UBE3C: variants seen among roughly 807,000 people sequenced by gnomAD.
The protein encoded by UBE3C is ubiquitin-protein ligase E3C.
UBE3C carries 42 observed loss-of-function variants against 129.4 expected under a neutral mutation model. The observed-to-expected ratio is 0.32, with a 90% CI of 0.25 to 0.42. The LOEUF is 0.42. UBE3C is among the 10% of genes least tolerant of loss of function. The pLI is 1.00. For missense variants in UBE3C, 1,049 were observed against 1,319.1 expected (o/e 0.80, Z 3.17); for synonymous variants, 510 against 492.4 (o/e 1.04, Z -0.47).
At chr7:157,141,184 C>A (rs1391966295) in intron 1 of UBE3C, among the ~76,000 whole-genome samples, 6 of 152,064 alleles carry the variant, frequency 3.9e-5, no homozygotes, top group Non-Finnish European at 8.8e-5. Context: ...GAACTGGCAG[C>A]AGCTGGGGCA....
At chr7:157,169,253 G>T in intron 3 of UBE3C, 131 bp downstream of exon 3, 1 of 619,314 alleles carries the variant, frequency 1.6e-6, no homozygotes, top group East Asian at 3.0e-5. Context: ...AATTTTATTT[G>T]TTCTAATTAT....
At chr7:157,219,321 TATCTC>T (rs1175366337) in intron 14 of UBE3C, among the ~76,000 whole-genome samples, 2 of 152,200 alleles carry the variant, frequency 1.3e-5, no homozygotes, top group African/African-American at 4.8e-5. Context: ...ACAAGTCCCT[TATCTC>T]ATCACCAGCT....
At chr7:157,175,075 G>T in intron 5 of UBE3C, 41 bp downstream of exon 5, 1 of 1,402,760 alleles carries the variant, frequency 7.1e-7, no homozygotes, top group South Asian at 1.4e-5. Flanking sequence ...ATAATGTATT[G>T]ATCACCTTGT....
At chr7:157,192,083 A>G (rs1182019245) in intron 10 of UBE3C, among the ~76,000 whole-genome samples, 1 of 152,354 alleles carries the variant, frequency 6.6e-6, no homozygotes, top group East Asian at 1.9e-4. Context: ...ATTATAAACT[A>G]ATTTCCACTA....
In UBE3C at chr7:157,268,294, G is replaced by A. The variant is rs533882746; in HGVS notation, c.*539G>A. 1 of 152,794 alleles carries A rather than the reference G, an allele frequency of 6.5e-6. No individual in the cohort carries two copies. The highest frequency in any genetic ancestry group is 2.4e-5 in the African/African-American group (1 of 41,566). The allele number at this position is 152,794 out of a possible 1,614,324, so 9.5% of individuals were successfully genotyped here. ...TGGTTAGGTTTGGAAAAGAGATGAT[G>A]ATGGTAATATTTTATTTGTGCTTTT... On this transcript the variant is annotated 3_prime_UTR_variant, in exon 23 of 23. Coordinates refer to ENST00000348165, the MANE Select transcript of UBE3C (RefSeq NM_014671.3).
intron 18 of UBE3C, chr7:157,231,703 C>T (rs932984393): frequency 2.2e-5 from 5 of 229,176 alleles, no homozygotes; most frequent in Non-Finnish European, 4.3e-5. Flanking sequence ...CCTCCGGACT[C>T]TGCAGAGTCC....
chr7:157,162,346 C>G (rs1477837234), intron 1 of UBE3C, among the ~76,000 whole-genome samples: 1 of 151,584 alleles, frequency 6.6e-6, no homozygotes, highest in African/African-American at 2.4e-5. Flanking sequence ...TGGTATGTGC[C>G]ACCATGCCCG....
At chr7:157,166,702 T>G (rs1808223675) in intron 2 of UBE3C, among the ~76,000 whole-genome samples, 1 of 149,678 alleles carries the variant, frequency 6.7e-6, no homozygotes, top group Non-Finnish European at 1.5e-5. Context: ...ATCACGCTGT[T>G]GCACTCCAGC....
At chr7:157,192,494 C>T (rs1306657779) in intron 10 of UBE3C, 8 of 758,562 alleles carry the variant, frequency 1.1e-5, no homozygotes, top group Admixed American at 1.7e-5. Flanking sequence ...TCAGCAAAGA[C>T]TGATCTTTGC....
intron 18 of UBE3C, among the ~76,000 whole-genome samples, chr7:157,240,400 A>G (rs1001854642): frequency 1.3e-5 from 2 of 152,188 alleles, no homozygotes; most frequent in Non-Finnish European, 2.9e-5. Flanking sequence ...ACTCTGATGC[A>G]TGCTGAAATT....
Position 157,248,565 on chromosome 7 carries a change from C to T in UBE3C, c.2679C>T (p.Asp893=). 1 of 1,612,364 alleles carries T rather than the reference C, an allele frequency of 6.2e-7. No homozygotes were observed. Among genetic ancestry groups the T allele is most frequent in the Non-Finnish European group, 8.5e-7 (1 of 1,179,980 alleles). The change falls in exon 19 of 23, where the codon GAC becomes GAT. Residue 893 remains aspartate, a synonymous_variant. Coordinates refer to ENST00000348165, the MANE Select transcript of UBE3C (RefSeq NM_014671.3). ...TGAACTTCACTGTGGTGAACAATGA[C>T]CTGGGAGAGGCGCAGGTGAGGGGTC... ...LGLNFTVVNN[D]LGEAQVVELK...
chr7:157,248,170 A>G (rs764869657), intron 18 of UBE3C, among the ~76,000 whole-genome samples, 198 bp from the exon 19 acceptor site: 3 of 152,150 alleles, frequency 2.0e-5, no homozygotes, highest in Non-Finnish European at 4.4e-5. Flanking sequence ...CTGCATGCTT[A>G]GTGCGTGCAT....
chr7:157,165,723 C>T (rs868767519), intron 2 of UBE3C, among the ~76,000 whole-genome samples: 21 of 152,002 alleles, frequency 1.4e-4, no homozygotes, highest in Admixed American at 1.2e-3. Flanking sequence ...CCATTGACTT[C>T]GTAATTTCAG....
intron 1 of UBE3C, among the ~76,000 whole-genome samples, chr7:157,149,964 G>A (rs1435101982): frequency 6.6e-6 from 1 of 152,172 alleles, no homozygotes; most frequent in Non-Finnish European, 1.5e-5. Flanking sequence ...GAGAAGCCAT[G>A]CTTTCCATAG....
In UBE3C at chr7:157,192,839, A is replaced by G. The variant is rs1194465177; in HGVS notation, c.1331+5818A>G. ...CAAACCAGAAGACAAGTAACTGCGT[A>G]TGAGTTAATAAAAGACATGAACTTA... On this transcript the variant is annotated intron_variant, in intron 10 of 22. Coordinates refer to ENST00000348165, the MANE Select transcript of UBE3C (RefSeq NM_014671.3). 3.8e-6 allele frequency: 4 copies of G among 1,060,172 alleles called. No individual in the cohort carries two copies. In the African/African-American group the frequency reaches 4.7e-5, roughly 12 times the overall value. 65.7% of individuals were successfully genotyped at this position (1,060,172 alleles called of 1,614,324 possible). A position where few individuals can be genotyped will look rare whatever the true frequency, so the allele number is the denominator to read the frequency against.
Position 157,182,256 on chromosome 7 carries a change from A to C in UBE3C, c.919A>C (p.Arg307=), listed in dbSNP as rs374015092. ...FLNALLLIES[R]CSRKSGGAPW... ...GAATGCACTGTTGTTAATAGAGAGT[A>C]GATGTTCAAGAAAGAGTGGTGGAGC... The change falls in exon 8 of 23, where the codon AGA becomes CGA. Residue 307 remains arginine (R), a synonymous_variant. Coordinates refer to ENST00000348165, the MANE Select transcript of UBE3C (RefSeq NM_014671.3). 6.2e-7 allele frequency: 1 copy of C among 1,614,246 alleles called. No individual in the cohort carries two copies. The highest frequency in any genetic ancestry group is 1.7e-5 in the Admixed American group (1 of 60,030).
chr7:157,264,843 A>AT (rs1324161363), intron 22 of UBE3C, among the ~76,000 whole-genome samples: 1 of 152,194 alleles, frequency 6.6e-6, no homozygotes, highest in Non-Finnish European at 1.5e-5. Context: ...AAATGCTGGG[A>AT]TTACAGTCAT....
At chr7:157,226,740 AT>A (rs1266207856) in intron 17 of UBE3C, among the ~76,000 whole-genome samples, 1 of 150,054 alleles carries the variant, frequency 6.7e-6, no homozygotes, top group East Asian at 1.9e-4. Context: ...TTTTTACACA[AT>A]TTACCGTTGC....
At position 157,267,771 on chromosome 7, in the gene UBE3C, C is replaced by A; in HGVS notation, c.*16C>A. ...GCTGAGCTGAAGCTGATGCTGGGGT[C>A]AGACCCCTACAGAGAACCAGTGCTT... On this transcript the variant is annotated 3_prime_UTR_variant, in exon 23 of 23. Transcript: ENST00000348165. The A allele has an allele frequency of 6.4e-7, 1 of 1,556,268 alleles. No homozygotes were observed. Among genetic ancestry groups the A allele is most frequent in the Non-Finnish European group, 8.7e-7 (1 of 1,153,704 alleles).
Sources: gnomAD v4.1 joint callset for allele counts (sites outside exome capture counted in the v4.1 genomes callset) on GRCh38, gnomAD v4.1.1 for gene constraint, MANE v1.5 for transcripts, NCBI Gene and HGNC (gene_info 2026-07-23, HGNC 2026-07-21) for gene names.